Variants in FREM1 observed in about 807,000 individuals in gnomAD.
The protein encoded by FREM1 is FRAS1-related extracellular matrix protein 1.
A neutral mutation model predicts 210.1 loss-of-function variants in FREM1; 220 were observed. The observed-to-expected ratio is 1.05, with a 90% CI of 0.94 to 1.17. The LOEUF (loss-of-function observed/expected upper bound fraction) is 1.17, where lower values mean the gene tolerates loss of function less well. Among genes scored for constraint, FREM1 ranks in the 50% most tolerant of loss-of-function variants. FREM1 has a pLI of 0.00. For synonymous variants in FREM1, 1,189 were observed against 980.2 expected, an observed-to-expected ratio of 1.21 and a Z score of -3.98; for missense variants, 3,454 against 2,675.5, an observed-to-expected ratio of 1.29 and a Z score of -6.42.
chr9:14,759,180 A>G (rs1296054021), intron 28 of FREM1, among the ~76,000 whole-genome samples: 2 of 152,202 alleles, frequency 1.3e-5, no homozygotes, highest in Admixed American at 1.3e-4. Flanking sequence ...TCATAGAAAC[A>G]AATAACAGCT....
chr9:14,879,510 G>A (rs538688803), intron 1 of FREM1, among the ~76,000 whole-genome samples: 12 of 152,260 alleles, frequency 7.9e-5, no homozygotes, highest in South Asian at 2.1e-4. Context: ...TAAAAGCAAC[G>A]TCTACAAGAA....
intron 13 of FREM1, among the ~76,000 whole-genome samples, chr9:14,821,736 T>A (rs1259756402): frequency 6.6e-6 from 1 of 152,162 alleles, no homozygotes; most frequent in Non-Finnish European, 1.5e-5. Flanking sequence ...TGTGGTGAGT[T>A]GGATGGGGGC....
In FREM1 at chr9:14,858,542, G is replaced by A. The variant is rs73642428; in HGVS notation, c.631+641C>T. ...TTTTTTGGAGTCTCATTTCTCAGACGTACAAAATAGAACAAATGTGCCGTT... is the reference window on the plus strand; with the variant it reads ...TTTTTTGGAGTCTCATTTCTCAGACATACAAAATAGAACAAATGTGCCGTT... On this transcript the variant is annotated intron_variant, in intron 4 of 36. Coordinates refer to ENST00000380880, the MANE Select transcript of FREM1 (RefSeq NM_001379081.2). Among the ~76,000 whole-genome samples, 523 of 148,038 alleles carry A rather than the reference G, an allele frequency of 3.5e-3. 2 individuals carry two copies. The highest frequency in any genetic ancestry group is 0.021 in the Middle Eastern group (6 of 284).
At chr9:14,901,560 A>T (rs1290992022) in intron 1 of FREM1, among the ~76,000 whole-genome samples, 1 of 151,588 alleles carries the variant, frequency 6.6e-6, no homozygotes, top group East Asian at 1.9e-4. Context: ...GGGAAAAAGG[A>T]AGTGACTCCT....
chr9:14,785,370 T>C (rs769882325), intron 23 of FREM1, among the ~76,000 whole-genome samples: 4 of 152,198 alleles, frequency 2.6e-5, no homozygotes, highest in Non-Finnish European at 5.9e-5. Flanking sequence ...AAATTTAGAA[T>C]GGTATTTTTT....
chr9:14,744,114 A>C (rs1842018361), intron 35 of FREM1, among the ~76,000 whole-genome samples: 1 of 152,102 alleles, frequency 6.6e-6, no homozygotes, highest in African/African-American at 2.4e-5. Flanking sequence ...AACCAAAAAA[A>C]CCCTGAAAGC....
intron 16 of FREM1, among the ~76,000 whole-genome samples, chr9:14,809,948 C>A (rs1819097717): frequency 6.6e-6 from 1 of 151,964 alleles, no homozygotes; most frequent in Non-Finnish European, 1.5e-5. Flanking sequence ...ACTATTAAAC[C>A]ATTTTTTACC....
rs1448219726 is a variant in FREM1 at position 14,748,615 on chromosome 9, G to C, written c.5582C>G (p.Ser1861Cys). Reference sequence around the variant, plus strand: ...CCATGTGCTGTGCTTGCTTTGGTTGGAGGAATATGAAGGATGGCATTGTCC... The same window carrying C: ...CCATGTGCTGTGCTTGCTTTGGTTGCAGGAATATGAAGGATGGCATTGTCC... ...KGGQCHPSYSSNQSKHSTWEK... is the reference protein window; with the variant it reads ...KGGQCHPSYSCNQSKHSTWEK... Residue 1861 changes from serine to cysteine, a missense_variant, in exon 31 of 37, where the codon TCC becomes TGC. Ser to Cys is a moderately radical substitution (Grantham distance 112, BLOSUM62 -1). Coordinates refer to ENST00000380880, the MANE Select transcript of FREM1 (RefSeq NM_001379081.2). 6.8e-6 allele frequency: 11 copies of C among 1,613,234 alleles called. No individual in the cohort carries two copies. The highest frequency in any genetic ancestry group is 2.7e-5 in the African/African-American group (2 of 74,890).
rs144202499 is a variant in FREM1, at chr9:14,825,816, A to G, written c.1882-824T>C. The stretch of plus-strand genomic sequence containing the variant: ...TTATAAAATTTCCTATGCAGTGACC[A>G]TACTCCACATCCCACGCCCAAGTGT... On this transcript the variant is annotated intron_variant, in intron 10 of 36. Transcript: ENST00000380880. Among the ~76,000 whole-genome samples the G allele has an allele frequency of 3.1e-3, 471 of 151,976 alleles. 22 individuals carry two copies. The East Asian group carries it at 0.076, about 25-fold the overall frequency.
At chr9:14,889,107 T>C (rs531302582) in intron 1 of FREM1, among the ~76,000 whole-genome samples, 1 of 152,316 alleles carries the variant, frequency 6.6e-6, no homozygotes, top group South Asian at 2.1e-4. Flanking sequence ...ATTGAAGTAG[T>C]TACTATGTCA....
intron 1 of FREM1, among the ~76,000 whole-genome samples, chr9:14,887,733 C>G (rs1381220745): frequency 6.6e-6 from 1 of 152,126 alleles, no homozygotes; most frequent in Non-Finnish European, 1.5e-5. Context: ...TACAGAAGCA[C>G]TGGGCTACAT....
At chr9:14,871,695 T>C (rs1832712487) in intron 1 of FREM1, among the ~76,000 whole-genome samples, 1 of 152,182 alleles carries the variant, frequency 6.6e-6, no homozygotes, top group South Asian at 2.1e-4. Flanking sequence ...TTTGTTTCCA[T>C]TGCTTTTGGT....
At position 14,859,603 on chromosome 9, in the gene FREM1, T is replaced by G; in HGVS notation, c.330-119A>C. On this transcript the variant is annotated intron_variant, in intron 3 of 36. Coordinates refer to ENST00000380880, the MANE Select transcript of FREM1 (RefSeq NM_001379081.2). ...CCAAATTTGTGCCACAGATTGAGTT[T>G]GGATTTCATTTCTTGCTCTACTCCC... is the stretch of plus-strand genomic sequence containing the variant. 4 of 802,684 alleles carry G rather than the reference T, an allele frequency of 5.0e-6. No individual in the cohort carries two copies. In the South Asian group the frequency reaches 7.4e-5, roughly 15 times the overall value. 49.7% of individuals were successfully genotyped at this position (802,684 alleles called of 1,614,324 possible). A position where few individuals can be genotyped will look rare whatever the true frequency, so the allele number is the denominator to read the frequency against.
At chr9:14,884,978 G>A (rs998831870) in intron 1 of FREM1, among the ~76,000 whole-genome samples, 1 of 123,730 alleles carries the variant, frequency 8.1e-6, no homozygotes, top group Non-Finnish European at 1.6e-5. Context: ...AGGCTGGAGT[G>A]CAGTGGTGCG....
intron 2 of FREM1, among the ~76,000 whole-genome samples, chr9:14,867,843 A>C (rs1482166552): frequency 6.6e-6 from 1 of 152,188 alleles, no homozygotes; most frequent in Admixed American, 6.5e-5. Context: ...ACAAGTAATA[A>C]AATCAGAAGC....
At chr9:14,818,178 G>C (rs1311469337) in intron 14 of FREM1, among the ~76,000 whole-genome samples, 37 of 152,204 alleles carry the variant, frequency 2.4e-4, no homozygotes. Flanking sequence ...CAGTATGCTT[G>C]AACAGATAGT....
In FREM1 at chr9:14,825,547, GTATATATATATA is replaced by G. The variant is rs372128983; in HGVS notation, c.1882-567_1882-556del. ...CATATATATATATATGTGTGTGTGTGTATATATATATATATATATATATACCACAATTATAGT... is the reference window on the plus strand; with the variant it reads ...CATATATATATATATGTGTGTGTGTGTATATATATATACCACAATTATAGT... On this transcript the variant is annotated intron_variant, in intron 10 of 36. Transcript: ENST00000380880. 5.1e-3 allele frequency among the ~76,000 whole-genome samples: 388 copies of G among 75,908 alleles called. 9 individuals are homozygous for G. Among genetic ancestry groups the G allele is most frequent in the African/African-American group, 0.019 (346 of 17,806 alleles). 49.8% of individuals were successfully genotyped at this position (75,908 alleles called of 152,430 possible).
chr9:14,872,966 T>G (rs1588511290), intron 1 of FREM1, among the ~76,000 whole-genome samples: 1 of 150,476 alleles, frequency 6.6e-6, no homozygotes, highest in African/African-American at 2.4e-5. Context: ...TATGCTGGAT[T>G]ACATTTATTG....
chr9:14,838,347 A>T (rs751621877), intron 10 of FREM1, among the ~76,000 whole-genome samples: 5 of 152,200 alleles, frequency 3.3e-5, no homozygotes, highest in Non-Finnish European at 1.5e-5. Context: ...GAATATTTTA[A>T]ATCTATTTTT....
Sources: allele counts gnomAD v4.1 joint callset (sites outside exome capture counted in the v4.1 genomes callset), GRCh38; gene constraint gnomAD v4.1.1; transcripts MANE v1.5; gene names NCBI Gene and HGNC (gene_info 2026-07-23, HGNC 2026-07-21).